SFXN4: variants seen among roughly 807,000 people sequenced by gnomAD.
SFXN4 encodes the protein sideroflexin 4, also known as sideroflexin-4.
A neutral mutation model predicts 54.6 loss-of-function variants in SFXN4; 48 were observed. The observed-to-expected ratio is 0.88, with a 90% CI of 0.70 to 1.12. The LOEUF (loss-of-function observed/expected upper bound fraction) is 1.12, where lower values mean the gene tolerates loss of function less well. Among genes scored for constraint, SFXN4 ranks in the 50% most tolerant of loss-of-function variants. SFXN4 has a pLI of 0.00. For synonymous variants in SFXN4, 130 were observed against 145.5 expected (o/e 0.89, Z 0.77); for missense variants, 383 against 409.2 (o/e 0.94, Z 0.55).
At chr10:119,165,350 CCT>C in intron 1 of SFXN4, 185 bp downstream of exon 1, 1 of 1,309,022 alleles carries the variant, frequency 7.6e-7, no homozygotes, top group Non-Finnish European at 9.7e-7. Flanking sequence ...TTCGATTTCC[CCT>C]GCGTCCCCTG....
chr10:119,146,594 A>G (rs1846823177), intron 12 of SFXN4, among the ~76,000 whole-genome samples: 1 of 151,476 alleles, frequency 6.6e-6, no homozygotes, highest in Non-Finnish European at 1.5e-5. Flanking sequence ...CTTTTGAGAG[A>G]ATCTTCCTCT....
At chr10:119,148,865 G>T (rs1302198076) in intron 11 of SFXN4, among the ~76,000 whole-genome samples, 1 of 151,962 alleles carries the variant, frequency 6.6e-6, no homozygotes, top group African/African-American at 2.4e-5. Context: ...GACAGCTCAC[G>T]TTAACTTTTT....
rs139071618 is a variant in SFXN4, at chr10:119,148,427, A to G, written c.733-567T>C. ...CTAAGTACAAGCAAAGGTGGCTTCT[A>G]GACAGATCTTCACTGAGAACCAAAT... On this transcript the variant is annotated intron_variant, in intron 11 of 13. Transcript: ENST00000355697. Among the ~76,000 whole-genome samples the G allele has an allele frequency of 2.8e-3, 420 of 152,268 alleles. 2 individuals carry two copies. Among genetic ancestry groups the G allele is most frequent in the African/African-American group, 9.6e-3 (397 of 41,556 alleles).
At position 119,155,136 on chromosome 10, in the gene SFXN4, C is replaced by T. The variant is rs1430516945; in HGVS notation, c.658G>A (p.Glu220Lys). ...ATGACCGCAATCCCCTTAATGGATT[C>T]AAGACTTCGGGACATGTAGACATTC... ...GMNVYMSRSL[E>K]SIKGIAVMDK... Residue 220 changes from glutamate to lysine, a missense_variant, in exon 11 of 14, where the codon GAA becomes AAA. Transcript: ENST00000355697. 3.1e-6 allele frequency: 5 copies of T among 1,614,074 alleles called. No individual in the cohort carries two copies. Among genetic ancestry groups the T allele is most frequent in the Non-Finnish European group, 2.5e-6 (3 of 1,180,006 alleles).
chr10:119,141,340 TA>T lies in SFXN4; in HGVS notation c.937-22del, dbSNP rs370987873. ...TGTATCTGAAAAATAGTTAAATTCATAATGTTTCTATTAATAGTTTTTCTTG... is the reference window on the plus strand; with the variant it reads ...TGTATCTGAAAAATAGTTAAATTCATATGTTTCTATTAATAGTTTTTCTTG... On this transcript the variant is annotated intron_variant, in intron 13 of 13. Coordinates refer to ENST00000355697, the MANE Select transcript of SFXN4 (RefSeq NM_213649.2). 12 of 1,448,882 alleles carry T rather than the reference TA, an allele frequency of 8.3e-6. No individual in the cohort carries two copies. In the African/African-American group the frequency reaches 1.7e-4, roughly 21 times the overall value. The allele number at this position is 1,448,882 out of a possible 1,614,324, so 89.8% of individuals were successfully genotyped here.
chr10:119,146,141 A>T, intron 13 of SFXN4, 95 bp downstream of exon 13: 1 of 744,670 alleles, frequency 1.3e-6, no homozygotes, highest in Non-Finnish European at 2.3e-6. Flanking sequence ...TTATATTTTT[A>T]TAAACTTTGC....
At chr10:119,147,123 G>A (rs1301735499) in intron 12 of SFXN4, among the ~76,000 whole-genome samples, 3 of 152,172 alleles carry the variant, frequency 2.0e-5, no homozygotes, top group African/African-American at 7.2e-5. Context: ...ATATGAAGAA[G>A]CCAATCTGGC....
Position 119,165,554 on chromosome 10 carries a change from A to G in SFXN4, c.94T>C (p.Trp32Arg). Residue 32 changes from tryptophan (W) to arginine (R), a missense_variant, in exon 1 of 14, where the codon TGG (tryptophan) becomes CGG (arginine). Transcript: ENST00000355697. ...PAFIEPNVRF[W>R]ITERQSFIRR... ...GGCCGTACTTGGCGCTCGGTGATCC[A>G]GAAGCGCACGTTGGGCTCAATGAAG... 1 of 1,587,934 alleles carries G rather than the reference A, an allele frequency of 6.3e-7. No individual in the cohort carries two copies. The highest frequency in any genetic ancestry group is 1.1e-5 in the South Asian group (1 of 90,066).
chr10:119,143,073 T>A (rs776676774), intron 13 of SFXN4, among the ~76,000 whole-genome samples: 9 of 151,768 alleles, frequency 5.9e-5, no homozygotes, highest in Non-Finnish European at 8.8e-5. Context: ...AGTCTTGGCA[T>A]CTGAGGTCAC....
intron 13 of SFXN4, among the ~76,000 whole-genome samples, chr10:119,144,986 T>C (rs183260114): frequency 6.6e-6 from 1 of 152,186 alleles, no homozygotes; most frequent in Non-Finnish European, 1.5e-5. Flanking sequence ...TAAGTAATTT[T>C]AAAAGATTTC....
At chr10:119,154,775 T>C (rs1435082358) in intron 11 of SFXN4, among the ~76,000 whole-genome samples, 6 of 152,150 alleles carry the variant, frequency 3.9e-5, no homozygotes, top group Non-Finnish European at 7.3e-5. Context: ...GAGGTTGCAG[T>C]GAGCCAAGAC....
Position 119,158,143 on chromosome 10 carries a change from G to A in SFXN4, c.361-81C>T, listed in dbSNP as rs1382794500. On this transcript the variant is annotated intron_variant, in intron 6 of 13. Transcript: ENST00000355697. ...CAGTAGCAAAGAACTTTCCAGGGGA[G>A]AGGGAGAATTGAGCCCCCAAGGAGC... 3 of 1,348,974 alleles carry A rather than the reference G, an allele frequency of 2.2e-6. No individual in the cohort carries two copies. The South Asian group carries it at 3.5e-5, about 16-fold the overall frequency. The allele number at this position is 1,348,974 out of a possible 1,614,324, so 83.6% of individuals were successfully genotyped here.
chr10:119,162,449 T>A, intron 2 of SFXN4, 35 bp from the exon 3 acceptor site: 1 of 1,548,722 alleles, frequency 6.5e-7, no homozygotes, highest in Non-Finnish European at 8.9e-7. Flanking sequence ...AGTAATGATC[T>A]CAACATTGTT....
At chr10:119,151,627 T>G (rs1325843894) in intron 11 of SFXN4, among the ~76,000 whole-genome samples, 2 of 151,808 alleles carry the variant, frequency 1.3e-5, no homozygotes, top group Admixed American at 1.3e-4. Flanking sequence ...GTGATTCTCC[T>G]GCCTCAACCT....
intron 13 of SFXN4, among the ~76,000 whole-genome samples, chr10:119,141,951 G>A (rs942759844): frequency 2.6e-5 from 4 of 152,134 alleles, no homozygotes; most frequent in Admixed American, 6.6e-5. Flanking sequence ...CTGGGAGGTG[G>A]AGGTTACAGT....
At chr10:119,146,204 C>G (rs1846787283) in intron 13 of SFXN4, 32 bp downstream of exon 13, 1 of 1,192,184 alleles carries the variant, frequency 8.4e-7, no homozygotes, top group African/African-American at 1.5e-5. Flanking sequence ...AAATAAAAAA[C>G]TTTGAGAGAA....
At chr10:119,153,467 A>T (rs1847156957) in intron 11 of SFXN4, among the ~76,000 whole-genome samples, 1 of 152,144 alleles carries the variant, frequency 6.6e-6, no homozygotes, top group East Asian at 1.9e-4. Flanking sequence ...AATAGTAAAA[A>T]TTATTCAGAA....
intron 11 of SFXN4, among the ~76,000 whole-genome samples, chr10:119,148,933 C>A (rs1846935215): frequency 6.6e-6 from 1 of 152,086 alleles, no homozygotes; most frequent in South Asian, 2.1e-4. Context: ...GTCATCCAGG[C>A]TGGAGTACAG....
chr10:119,159,858 G>T, intron 5 of SFXN4, 105 bp from the exon 6 acceptor site: 1 of 1,213,458 alleles, frequency 8.2e-7, no homozygotes. Context: ...GCTTCCAGAA[G>T]GCACAGACCT....
Sources: gnomAD v4.1 joint callset for allele counts (sites outside exome capture counted in the v4.1 genomes callset) on GRCh38, gnomAD v4.1.1 for gene constraint, MANE v1.5 for transcripts, NCBI Gene and HGNC (gene_info 2026-07-23, HGNC 2026-07-21) for gene names.